The following LRRC2 variants were observed in gnomAD, a reference collection of about 807,000 sequenced individuals.
LRRC2 encodes leucine-rich repeat-containing protein 2.
Under a neutral mutation model 40.2 loss-of-function variants are expected in LRRC2, and 27 were observed. The observed-to-expected ratio is 0.67, with a 90% CI of 0.49 to 0.93. The LOEUF is 0.93. Ranked by LOEUF, LRRC2 falls within the 40% of genes least tolerant of loss-of-function variation. LRRC2 has a pLI of 0.00. For synonymous variants in LRRC2, 147 were observed against 158.9 expected, an observed-to-expected ratio of 0.92 and a Z score of 0.56; for missense variants, 402 against 439.6, an observed-to-expected ratio of 0.91 and a Z score of 0.76.
At chr3:46,539,732 A>C in intron 3 of LRRC2, among the ~76,000 whole-genome samples, 1 of 152,164 alleles carries the variant, frequency 6.6e-6, no homozygotes, top group East Asian at 1.9e-4. Context: ...TTTTCCAGTC[A>C]CGCCACCTCC....
At position 46,545,195 on chromosome 3, in the gene LRRC2, C is replaced by T. The variant is rs145124806; in HGVS notation, c.184G>A (p.Val62Ile). The T allele has an allele frequency of 3.4e-4, 551 of 1,614,082 alleles. No individual in the cohort carries two copies. Among genetic ancestry groups the T allele is most frequent in the Non-Finnish European group, 4.5e-4 (533 of 1,180,062 alleles). The change falls in exon 3 of 9, where the codon GTA (valine) becomes ATA (isoleucine). Residue 62 changes from valine to isoleucine, a missense_variant. Val to Ile is a conservative substitution (Grantham distance 29). Coordinates refer to ENST00000395905, the MANE Select transcript of LRRC2 (RefSeq NM_024512.5). ...TCTATGAAGCCATTCTTGCAGTATA[C>T]AGCCTGGGGGATGCCCTTCCTCCTG... is the stretch of plus-strand genomic sequence containing the variant. ...ECRRKGIPQAVYCKNGFIDTS... is the reference protein window; with the variant it reads ...ECRRKGIPQAIYCKNGFIDTS...
intron 1 of LRRC2, chr3:46,557,508 C>A (rs953149009): frequency 1.3e-5 from 2 of 152,234 alleles, no homozygotes; most frequent in Admixed American, 6.5e-5. Context: ...ACCCAGTAAT[C>A]TACTTCAAGT....
chr3:46,545,753 G>A lies in LRRC2; in HGVS notation c.126-500C>T, dbSNP rs541897598. Among the ~76,000 whole-genome samples the A allele has an allele frequency of 1.5e-4, 23 of 152,208 alleles. 1 individual carries two copies. Among genetic ancestry groups the A allele is most frequent in the East Asian group, 1.9e-4 (1 of 5,170 alleles). ...TCCCCACCAAACCTCACCACCCCACGTGTCGCTAATTTTCTGACCTATCTT... is the reference window on the plus strand; with the variant it reads ...TCCCCACCAAACCTCACCACCCCACATGTCGCTAATTTTCTGACCTATCTT... On this transcript the variant is annotated intron_variant, in intron 2 of 8. Transcript: ENST00000395905.
At chr3:46,537,866 C>A (rs968199991) in intron 4 of LRRC2, among the ~76,000 whole-genome samples, 1 of 152,228 alleles carries the variant, frequency 6.6e-6, no homozygotes, top group Admixed American at 6.5e-5. Flanking sequence ...CTAAGTTTAC[C>A]AAGCGTGATG....
At chr3:46,521,418 T>C in intron 8 of LRRC2, 104 bp downstream of exon 8, 1 of 867,204 alleles carries the variant, frequency 1.2e-6, no homozygotes, top group Non-Finnish European at 1.7e-6. Context: ...AACGTGCCCC[T>C]CAACCAATAA....
intron 4 of LRRC2, among the ~76,000 whole-genome samples, chr3:46,533,629 T>TATAAAAAAAATTTTATAA (rs1236775751): frequency 4.6e-5 from 7 of 152,148 alleles, no homozygotes; most frequent in African/African-American, 1.7e-4. Context: ...TAATAAAGTG[T>TATAAAAAAAATTTTATAA]TGAATGTCTC....
At chr3:46,548,199 C>T (rs1704570983) in intron 2 of LRRC2, among the ~76,000 whole-genome samples, 1 of 152,082 alleles carries the variant, frequency 6.6e-6, no homozygotes, top group Non-Finnish European at 1.5e-5. Flanking sequence ...AAATATTTCA[C>T]ATATTTTGGT....
rs755356375 is a variant in LRRC2 at position 46,527,442 on chromosome 3, A to T, written c.913T>A (p.Ser305Thr). Residue 305 changes from serine to threonine, a missense_variant, in exon 7 of 9, where the codon TCA becomes ACA. Physicochemically the swap from Ser to Thr is moderately conservative, Grantham distance 58. Transcript: ENST00000395905. ...GCTACTCACTTTAAAGGTGTGGATGAGTCACAAAGGGCAGTTGGGAGCTCC... is the reference window on the plus strand; with the variant it reads ...GCTACTCACTTTAAAGGTGTGGATGTGTCACAAAGGGCAGTTGGGAGCTCC... ...LVELPTALCD[S>T]STPLKFVSLM... The T allele has an allele frequency of 9.9e-6, 16 of 1,613,784 alleles. No homozygotes were observed. In the Middle Eastern group the frequency reaches 4.9e-4, roughly 50 times the overall value.
chr3:46,528,091 A>C (rs540418816), intron 6 of LRRC2, among the ~76,000 whole-genome samples: 75 of 152,268 alleles, frequency 4.9e-4, no homozygotes, highest in African/African-American at 1.7e-3. Context: ...TTACTGACTT[A>C]ATCACCAGTT....
At chr3:46,541,311 C>T (rs1157464674) in intron 3 of LRRC2, among the ~76,000 whole-genome samples, 8 of 134,492 alleles carry the variant, frequency 5.9e-5, no homozygotes, top group African/African-American at 8.4e-5. Flanking sequence ...CCAGCCTGGG[C>T]GACAGAGCGA....
At chr3:46,519,199 T>G (rs1293841695) in intron 8 of LRRC2, 136 bp from the exon 9 acceptor site, 3 of 668,852 alleles carry the variant, frequency 4.5e-6, no homozygotes, top group Non-Finnish European at 8.1e-6. Context: ...ATAGAGATAC[T>G]GTATAGGTGA....
intron 1 of LRRC2, chr3:46,559,477 TCA>T (rs1488620833): frequency 6.6e-6 from 1 of 152,258 alleles, no homozygotes; most frequent in Non-Finnish European, 1.5e-5. Flanking sequence ...ACCAGACACA[TCA>T]CAGACTCTGT....
At chr3:46,565,232 CG>C (rs1705031965) in intron 1 of LRRC2, among the ~76,000 whole-genome samples, 1 of 152,134 alleles carries the variant, frequency 6.6e-6, no homozygotes, top group Non-Finnish European at 1.5e-5. Flanking sequence ...GCTGCCTGGG[CG>C]GGAGCCCTGC....
intron 3 of LRRC2, among the ~76,000 whole-genome samples, chr3:46,544,467 GAACAA>G (rs760595239): frequency 1.3e-5 from 2 of 152,130 alleles, no homozygotes; most frequent in Admixed American, 1.3e-4. Flanking sequence ...CAAGACTCTT[GAACAA>G]AACAAAACAA....
rs1704081531 is a variant in LRRC2 at position 46,527,499 on chromosome 3, T to C, written c.856A>G (p.Thr286Ala). The change falls in exon 7 of 9, where the codon ACT (threonine) becomes GCT (alanine). Residue 286 changes from threonine (T) to alanine (A), a missense_variant. Thr to Ala is a moderately conservative substitution (Grantham distance 58, BLOSUM62 0). Transcript: ENST00000395905. ...TGGTCCCCACTGACGACTAACAGAG[T>C]GAGCTTCTTCAGGTTCAGCATGGAA... ...PYSMLNLKKL[T>A]LLVVSGDHLV... The C allele has an allele frequency of 1.2e-6, 2 of 1,613,888 alleles. No individual in the cohort carries two copies. The highest frequency in any genetic ancestry group is 1.7e-6 in the Non-Finnish European group (2 of 1,179,900).
chr3:46,547,700 GTGTGTA>G (rs1199882235), intron 2 of LRRC2, among the ~76,000 whole-genome samples: 1 of 13,578 alleles, frequency 7.4e-5, no homozygotes, highest in Non-Finnish European at 1.5e-4. Context: ...ACATATGTGT[GTGTGTA>G]TGTGTGTGTG....
At chr3:46,557,218 T>C (rs1704824899) in intron 1 of LRRC2, among the ~76,000 whole-genome samples, 1 of 152,178 alleles carries the variant, frequency 6.6e-6, no homozygotes, top group South Asian at 2.1e-4. Context: ...GGTCCTTGCC[T>C]TAAGTGATGA....
chr3:46,521,764 TA>T, intron 7 of LRRC2, 106 bp from the exon 8 acceptor site: 2 of 1,123,198 alleles, frequency 1.8e-6, no homozygotes, highest in Non-Finnish European at 1.3e-6. Context: ...GGCTTACCTT[TA>T]AAAGTCACAT....
chr3:46,562,833 A>G (rs1216888404), intron 1 of LRRC2, among the ~76,000 whole-genome samples: 1 of 151,926 alleles, frequency 6.6e-6, no homozygotes, highest in East Asian at 1.9e-4. Context: ...GGTTCAAGCA[A>G]TTCTTCCTCA....
Sources: gnomAD v4.1 joint callset for allele counts (sites outside exome capture counted in the v4.1 genomes callset) on GRCh38, gnomAD v4.1.1 for gene constraint, MANE v1.5 for transcripts, NCBI Gene and HGNC (gene_info 2026-07-23, HGNC 2026-07-21) for gene names.